The following TMX4 variants were observed in gnomAD, a reference collection of about 807,000 sequenced individuals.
TMX4 encodes the protein thioredoxin-related transmembrane protein 4.
A neutral mutation model predicts 33.3 loss-of-function variants in TMX4; 23 were observed. The ratio of observed to expected loss-of-function variants is 0.69; its 90% confidence interval spans 0.50 to 0.98. The LOEUF (loss-of-function observed/expected upper bound fraction) is 0.98. Ranked by LOEUF, TMX4 falls within the 50% of genes least tolerant of loss-of-function variation. The pLI is 0.00. For synonymous variants in TMX4, 164 were observed against 161.5 expected, an observed-to-expected ratio of 1.02 and a Z score of -0.12; for missense variants, 399 against 448.9, an observed-to-expected ratio of 0.89 and a Z score of 1.01.
rs2122849543 is a variant in TMX4, at chr20:7,982,554, A to T, written c.747T>A (p.Asp249Glu). ...CTTTGTTTTCTTCTTCATTTGAATC[A>T]TCTTTTTCCTCCTCCGCATCCTGCA... is the stretch of plus-strand genomic sequence containing the variant. The part of the protein sequence containing the change: ...EQLQDAEEEK[D>E]DSNEEENKDS... Residue 249 changes from aspartate (D) to glutamate (E), a missense_variant, in exon 8 of 8, where the codon GAT (aspartate) becomes GAA (glutamate). Asp to Glu is a conservative substitution (Grantham distance 45, BLOSUM62 2). Coordinates refer to ENST00000246024, the MANE Select transcript of TMX4 (RefSeq NM_021156.4). 1.9e-6 allele frequency: 3 copies of T among 1,613,814 alleles called. No homozygotes were observed. The highest frequency in any genetic ancestry group is 4.5e-5 in the East Asian group (2 of 44,850).
At chr20:7,992,858 T>C (rs1051292456) in intron 5 of TMX4, among the ~76,000 whole-genome samples, 14 of 152,190 alleles carry the variant, frequency 9.2e-5, no homozygotes, top group African/African-American at 3.1e-4. Flanking sequence ...ACTAGCTCAA[T>C]AGGCTCTGAT....
In TMX4 at chr20:8,000,465, AT is replaced by A. The variant is rs35267174; in HGVS notation, c.339-606del. Among the ~76,000 whole-genome samples the A allele has an allele frequency of 2.6e-5, 4 of 152,146 alleles. No individual in the cohort carries two copies. In the East Asian group the frequency reaches 7.8e-4, roughly 30 times the overall value. On this transcript the variant is annotated intron_variant, in intron 3 of 7. Transcript: ENST00000246024. Reference sequence around the variant, plus strand: ...CCAATGACCCCTAAGTGCCGTATCCATTTCTGTTTCCTTCACCTGTTACTGG... The same window carrying A: ...CCAATGACCCCTAAGTGCCGTATCCATTCTGTTTCCTTCACCTGTTACTGG...
chr20:7,983,909 A>T (rs1043662337), intron 6 of TMX4, 52 bp from the exon 7 acceptor site: 1 of 1,426,334 alleles, frequency 7.0e-7, no homozygotes, highest in African/African-American at 1.4e-5. Flanking sequence ...TTTATTACCA[A>T]AGGACCTCAA....
rs1243302341 is a variant in TMX4, at chr20:7,980,065, T to C, written c.*2186A>G. The C allele has an allele frequency of 6.6e-6, 1 of 152,214 alleles. No homozygotes were observed. The highest frequency in any genetic ancestry group is 1.5e-5 in the Non-Finnish European group (1 of 68,044). The allele number at this position is 152,214 out of a possible 1,614,324, so 9.4% of individuals were successfully genotyped here. ...GTAAAATTTTCCACTTCTGACGGAATGCTGGAACTCAAAGTTTAAGATTTT... is the reference window on the plus strand; with the variant it reads ...GTAAAATTTTCCACTTCTGACGGAACGCTGGAACTCAAAGTTTAAGATTTT... On this transcript the variant is annotated 3_prime_UTR_variant, in exon 8 of 8. Transcript: ENST00000246024.
chr20:7,992,322 C>G lies in TMX4; in HGVS notation c.513+3704G>C, dbSNP rs141652574. On this transcript the variant is annotated intron_variant, in intron 5 of 7. Transcript: ENST00000246024. Reference sequence around the variant, plus strand: ...GACTATTTGTGAGGATAGATATTAACAGCTAATGAGGTAATTACTTCTGTG... The same window carrying G: ...GACTATTTGTGAGGATAGATATTAAGAGCTAATGAGGTAATTACTTCTGTG... Among the ~76,000 whole-genome samples, 20 of 152,218 alleles carry G rather than the reference C, an allele frequency of 1.3e-4. No homozygotes were observed. The East Asian group carries it at 3.5e-3, about 26-fold the overall frequency.
Position 7,977,740 on chromosome 20 carries a change from T to C in TMX4, c.*4511A>G, listed in dbSNP as rs958895267. The C allele has an allele frequency of 6.6e-6, 1 of 152,216 alleles. No homozygotes were observed. 9.4% of individuals were successfully genotyped at this position (152,216 alleles called of 1,614,324 possible). A position where few individuals can be genotyped will look rare whatever the true frequency, so the allele number is the denominator to read the frequency against. ...CATATTGCATTGCAAATAAGCAATG[T>C]TTTTAGTATAAAAATTGCATTTCCA... On this transcript the variant is annotated 3_prime_UTR_variant, in exon 8 of 8. Transcript: ENST00000246024.
intron 2 of TMX4, 71 bp from the exon 3 acceptor site, chr20:8,001,612 C>T: frequency 7.4e-7 from 1 of 1,359,578 alleles, no homozygotes; most frequent in South Asian, 1.3e-5. Flanking sequence ...AGCTTACTTT[C>T]ATAATCACAT....
At chr20:8,007,383 C>T (rs1185583087) in intron 2 of TMX4, among the ~76,000 whole-genome samples, 1 of 152,216 alleles carries the variant, frequency 6.6e-6, no homozygotes, top group Non-Finnish European at 1.5e-5. Flanking sequence ...CCACCATCTT[C>T]TCAACTCTGG....
chr20:8,013,249 A>G (rs375123362), intron 1 of TMX4, among the ~76,000 whole-genome samples: 270 of 152,252 alleles, frequency 1.8e-3, no homozygotes, highest in African/African-American at 6.0e-3. Context: ...CACACTGGCA[A>G]TCTTCTCCTA....
At chr20:7,999,596 C>T in intron 4 of TMX4, 136 bp downstream of exon 4, 2 of 990,658 alleles carry the variant, frequency 2.0e-6, no homozygotes, top group Non-Finnish European at 2.9e-6. Flanking sequence ...ACTGCATGGG[C>T]TAAGCATGGC....
intron 5 of TMX4, among the ~76,000 whole-genome samples, chr20:7,988,129 A>T (rs1343571319): frequency 4.6e-5 from 7 of 152,242 alleles, no homozygotes; most frequent in African/African-American, 1.7e-4. Flanking sequence ...CAAAGTCAAA[A>T]CCTACTTAGA....
intron 6 of TMX4, among the ~76,000 whole-genome samples, chr20:7,987,019 CT>C (rs762695134): frequency 0.029 from 3,773 of 132,228 alleles, 97 homozygotes; most frequent in African/African-American, 0.07. Flanking sequence ...AGTAAGGTCT[CT>C]TTTTTTTTTT....
At chr20:7,997,318 TC>T (rs879522324) in intron 4 of TMX4, among the ~76,000 whole-genome samples, 5 of 152,142 alleles carry the variant, frequency 3.3e-5, no homozygotes, top group Non-Finnish European at 7.3e-5. Flanking sequence ...TGAATCTGTA[TC>T]CCCACCCAAA....
intron 1 of TMX4, chr20:8,018,659 T>A (rs531249806): frequency 1.2e-5 from 2 of 167,698 alleles, no homozygotes; most frequent in Admixed American, 6.5e-5. Context: ...TTCTTTCTCC[T>A]AACTCAAAAC....
Position 7,999,872 on chromosome 20 carries a change from G to A in TMX4, c.339-12C>T. The A allele has an allele frequency of 6.3e-7, 1 of 1,596,722 alleles. No individual in the cohort carries two copies. The highest frequency in any genetic ancestry group is 1.8e-5 in the Admixed American group (1 of 55,188). On this transcript the variant is annotated splice_polypyrimidine_tract_variant and intron_variant, in intron 3 of 7. Coordinates refer to ENST00000246024, the MANE Select transcript of TMX4 (RefSeq NM_021156.4). ...TCCCATCCTTTGCACTATAAATTAT[G>A]AAAACAAGTAGAAAGCAAATGCATT...
intron 1 of TMX4, among the ~76,000 whole-genome samples, chr20:8,017,277 C>A (rs1321156305): frequency 6.6e-6 from 1 of 152,128 alleles, no homozygotes; most frequent in Non-Finnish European, 1.5e-5. Flanking sequence ...TTCCTAGCCA[C>A]CTATTCTGAA....
intron 5 of TMX4, 105 bp from the exon 6 acceptor site, chr20:7,987,494 G>A: frequency 8.8e-6 from 6 of 683,810 alleles, no homozygotes; most frequent in Non-Finnish European, 1.4e-5. Flanking sequence ...TTCCCACAAA[G>A]CTTTATGTAT....
rs60030388 is a variant in TMX4 at position 8,017,445 on chromosome 20, T to C, written c.176+1993A>G. Among the ~76,000 whole-genome samples the C allele has an allele frequency of 9.6e-3, 1,469 of 152,372 alleles. 47 individuals are homozygous for C. The highest frequency in any genetic ancestry group is 0.065 in the East Asian group (337 of 5,194). ...CAATTGATTACTATGTTTAGGTTTA[T>C]ACATTCATAAAAAAGTAAAATTTGA... On this transcript the variant is annotated intron_variant, in intron 1 of 7. Coordinates refer to ENST00000246024, the MANE Select transcript of TMX4 (RefSeq NM_021156.4).
chr20:7,996,212 A>G, intron 4 of TMX4, 141 bp from the exon 5 acceptor site: 1 of 635,894 alleles, frequency 1.6e-6, no homozygotes, highest in Non-Finnish European at 2.8e-6. Flanking sequence ...CTGTTCTTAC[A>G]GAGCTTAGAT....
Sources: allele counts gnomAD v4.1 joint callset (sites outside exome capture counted in the v4.1 genomes callset), GRCh38; gene constraint gnomAD v4.1.1; transcripts MANE v1.5; gene names NCBI Gene and HGNC (gene_info 2026-07-23, HGNC 2026-07-21).